Variants in WWOX observed in about 807,000 individuals in gnomAD.
WWOX encodes WW domain containing oxidoreductase, also known as WW domain-containing oxidoreductase.
Under a neutral mutation model 46.2 loss-of-function variants are expected in WWOX, and 69 were observed. That is an observed-to-expected ratio of 1.49 (90% CI 1.23 to 1.82). The LOEUF (loss-of-function observed/expected upper bound fraction) is 1.82. Ranked by LOEUF, WWOX falls within the 40% of genes most tolerant of loss-of-function variation. The pLI, the probability that WWOX is intolerant of heterozygous loss-of-function variation, is 0.00. For missense variants in WWOX, 919 were observed against 542.6 expected (o/e 1.69, Z -6.89); for synonymous variants, 359 against 202.6 (o/e 1.77, Z -6.56).
chr16:78,217,741 C>T (rs1041390469), intron 5 of WWOX, among the ~76,000 whole-genome samples: 7 of 151,744 alleles, frequency 4.6e-5, no homozygotes, highest in South Asian at 2.1e-4. Context: ...CTTCACTTAC[C>T]GGGGAAGGGG....
chr16:79,008,857 G>T (rs181886483), intron 8 of WWOX, among the ~76,000 whole-genome samples: 1 of 151,390 alleles, frequency 6.6e-6, no homozygotes, highest in African/African-American at 2.4e-5. Flanking sequence ...AGGTGGCAGG[G>T]CCTTTAATTG....
At chr16:78,228,261 G>T (rs546329018) in intron 5 of WWOX, among the ~76,000 whole-genome samples, 1 of 152,010 alleles carries the variant, frequency 6.6e-6, no homozygotes, top group African/African-American at 2.4e-5. Flanking sequence ...AGGCACCCAG[G>T]GGGAGATGGC....
chr16:78,743,657 T>C (rs2049282467), intron 8 of WWOX, among the ~76,000 whole-genome samples: 1 of 152,208 alleles, frequency 6.6e-6, no homozygotes, highest in Admixed American at 6.5e-5. Flanking sequence ...AAATTGAAAG[T>C]ACCCCTGATT....
At chr16:79,151,045 C>G (rs376267896) in intron 8 of WWOX, among the ~76,000 whole-genome samples, 1 of 152,262 alleles carries the variant, frequency 6.6e-6, no homozygotes, top group Non-Finnish European at 1.5e-5. Flanking sequence ...TTTCATTTTA[C>G]CAGTGCAACT....
At chr16:78,520,765 G>C (rs1016461390) in intron 8 of WWOX, among the ~76,000 whole-genome samples, 1 of 152,106 alleles carries the variant, frequency 6.6e-6, no homozygotes, top group Non-Finnish European at 1.5e-5. Flanking sequence ...CTAAATCCCA[G>C]GGCCAGATAT....
intron 5 of WWOX, among the ~76,000 whole-genome samples, chr16:78,315,757 C>A (rs532279111): frequency 6.6e-6 from 1 of 152,172 alleles, no homozygotes; most frequent in Non-Finnish European, 1.5e-5. Flanking sequence ...TTCATCCTTA[C>A]AATGACTCCA....
chr16:78,334,602 C>T (rs2080836863), intron 5 of WWOX, among the ~76,000 whole-genome samples: 1 of 152,014 alleles, frequency 6.6e-6, no homozygotes, highest in Admixed American at 6.6e-5. Context: ...CCAAACAGAA[C>T]ATAGAGTTGT....
intron 8 of WWOX, chr16:78,552,238 G>T (rs931534917): frequency 6.6e-6 from 1 of 152,126 alleles, no homozygotes; most frequent in Non-Finnish European, 1.5e-5. Flanking sequence ...ATGCCGTTCC[G>T]ATGAGGCCGT....
At chr16:78,681,883 G>A (rs538010712) in intron 8 of WWOX, among the ~76,000 whole-genome samples, 221 of 152,246 alleles carry the variant, frequency 1.5e-3, no homozygotes, top group African/African-American at 5.0e-3. Context: ...CACAAGTCTC[G>A]GGCCCCACCC....
At chr16:78,861,422 C>G (rs1251331932) in intron 8 of WWOX, among the ~76,000 whole-genome samples, 1 of 152,164 alleles carries the variant, frequency 6.6e-6, no homozygotes, top group Non-Finnish European at 1.5e-5. Flanking sequence ...ATAATTAAAT[C>G]CCATGAGTCT....
At chr16:78,389,705 C>T (rs538006981) in intron 6 of WWOX, among the ~76,000 whole-genome samples, 17 of 152,136 alleles carry the variant, frequency 1.1e-4, no homozygotes, top group Admixed American at 3.9e-4. Flanking sequence ...AGCCTCTTCA[C>T]GGCTCCAACT....
intron 8 of WWOX, among the ~76,000 whole-genome samples, chr16:78,466,159 G>T (rs1356470967): frequency 6.6e-6 from 1 of 151,908 alleles, no homozygotes; most frequent in African/African-American, 2.4e-5. Context: ...AGCCTTCCTA[G>T]TAGCTGGGAC....
chr16:78,803,118 A>T (rs1372627064), intron 8 of WWOX, among the ~76,000 whole-genome samples: 2 of 151,728 alleles, frequency 1.3e-5, no homozygotes, highest in African/African-American at 2.4e-5. Flanking sequence ...TATCAATTAT[A>T]TATAAATTAG....
At chr16:78,754,600 T>C (rs4887980) in intron 8 of WWOX, among the ~76,000 whole-genome samples, 94,833 of 151,974 alleles carry the variant, frequency 0.62, 29,916 homozygotes, top group South Asian at 0.71. Flanking sequence ...CCAGTTGCAG[T>C]CTTTGGATGT....
intron 8 of WWOX, among the ~76,000 whole-genome samples, chr16:79,080,399 T>C (rs919853400): frequency 6.6e-6 from 1 of 152,200 alleles, no homozygotes; most frequent in African/African-American, 2.4e-5. Flanking sequence ...GTCACAACCA[T>C]ACCTAGAACC....
chr16:78,983,196 G>A (rs2046717045), intron 8 of WWOX, among the ~76,000 whole-genome samples: 1 of 152,166 alleles, frequency 6.6e-6, no homozygotes, highest in African/African-American at 2.4e-5. Flanking sequence ...GAATCAGAAA[G>A]AGCTGAAACA....
intron 8 of WWOX, among the ~76,000 whole-genome samples, chr16:78,644,352 C>A (rs2046791666): frequency 6.6e-6 from 1 of 152,168 alleles, no homozygotes; most frequent in Non-Finnish European, 1.5e-5. Flanking sequence ...TCACCTCCCT[C>A]CTCTATGCAA....
intron 8 of WWOX, among the ~76,000 whole-genome samples, chr16:78,864,640 C>T (rs1012714860): frequency 6.6e-6 from 1 of 151,908 alleles, no homozygotes; most frequent in Non-Finnish European, 1.5e-5. Flanking sequence ...CTGTTGAGGT[C>T]CCATTGGGCC....
At chr16:78,164,095 T>C in intron 4 of WWOX, 88 bp from the exon 5 acceptor site, 2 of 1,242,226 alleles carry the variant, frequency 1.6e-6, no homozygotes, top group Non-Finnish European at 2.3e-6. Flanking sequence ...CTTGGGGTAA[T>C]TTAAGTGGTG....
Sources: gnomAD v4.1 joint callset for allele counts (sites outside exome capture counted in the v4.1 genomes callset) on GRCh38, gnomAD v4.1.1 for gene constraint, MANE v1.5 for transcripts, NCBI Gene and HGNC (gene_info 2026-07-23, HGNC 2026-07-21) for gene names.